PSAP: variants seen among roughly 807,000 people sequenced by gnomAD.
PSAP encodes the protein precursor of saposins.
PSAP carries 25 observed loss-of-function variants against 66.0 expected under a neutral mutation model. The ratio of observed to expected loss-of-function variants is 0.38; its 90% confidence interval spans 0.28 to 0.53. PSAP has a LOEUF of 0.53. Ranked by LOEUF, PSAP falls within the 20% of genes least tolerant of loss-of-function variation. The probability of loss-of-function intolerance (pLI) is 0.83; values close to 1 mark genes in which losing one functional copy is unlikely to be tolerated. For synonymous variants in PSAP, 273 were observed against 258.9 expected (o/e 1.05, Z -0.52); for missense variants, 649 against 668.8 (o/e 0.97, Z 0.33).
At chr10:71,822,355 G>A (rs1375668794) in intron 7 of PSAP, 28 of 411,416 alleles carry the variant, frequency 6.8e-5, no homozygotes, top group Non-Finnish European at 6.4e-5. Flanking sequence ...GGTCACTCTA[G>A]GTAGGAACTA....
Position 71,834,463 on chromosome 10 carries a change from C to A in PSAP, c.83G>T (p.Gly28Val), listed in dbSNP as rs185057837. 3 of 1,614,050 alleles carry A rather than the reference C, an allele frequency of 1.9e-6. No homozygotes were observed. Among genetic ancestry groups the A allele is most frequent in the African/African-American group, 2.7e-5 (2 of 75,042 alleles). The stretch of plus-strand genomic sequence containing the variant: ...CACATTCTGGCACCACACTGCCGAG[C>A]CCCTGGTGCATTCTTTCAGTCCAAG... Reference protein sequence around the residue: ...PVLGLKECTRGSAVWCQNVKT... With the variant: ...PVLGLKECTRVSAVWCQNVKT... The change falls in exon 2 of 14, where the codon GGC (glycine) becomes GTC (valine). Residue 28 changes from glycine to valine, a missense_variant. By Grantham distance (109) the Gly-to-Val change is moderately radical. Transcript: ENST00000394936.
At chr10:71,835,392 C>T (rs1027762554) in intron 1 of PSAP, among the ~76,000 whole-genome samples, 2 of 151,910 alleles carry the variant, frequency 1.3e-5, no homozygotes, top group Non-Finnish European at 2.9e-5. Flanking sequence ...CCAGCCTGGG[C>T]AACATGGCAA....
intron 9 of PSAP, 44 bp from the exon 10 acceptor site, chr10:71,819,944 C>A (rs1434332892): frequency 6.5e-7 from 1 of 1,544,756 alleles, no homozygotes; most frequent in Non-Finnish European, 8.9e-7. Flanking sequence ...GGAGGCCGGA[C>A]AAGGGTTGGG....
intron 2 of PSAP, among the ~76,000 whole-genome samples, chr10:71,833,721 C>G (rs540725568): frequency 6.6e-6 from 1 of 152,318 alleles, no homozygotes; most frequent in South Asian, 2.1e-4. Flanking sequence ...GGCTTGGGAC[C>G]GTGAGGAACA....
chr10:71,846,351 A>T (rs1196282222), intron 1 of PSAP, among the ~76,000 whole-genome samples: 1 of 152,086 alleles, frequency 6.6e-6, no homozygotes, highest in African/African-American at 2.4e-5. Context: ...TAAAAAATAA[A>T]GCAATTAGTA....
At chr10:71,822,581 A>T (rs1842326109) in intron 7 of PSAP, 2 of 472,196 alleles carry the variant, frequency 4.2e-6, no homozygotes, top group Non-Finnish European at 8.8e-6. Context: ...GAATCATTTT[A>T]AGCCACAAGG....
chr10:71,819,078 G>A lies in PSAP; in HGVS notation c.1384C>T (p.Leu462=). The A allele has an allele frequency of 1.2e-6, 2 of 1,614,154 alleles. No homozygotes were observed. Among genetic ancestry groups the A allele is most frequent in the Non-Finnish European group, 1.7e-6 (2 of 1,179,994 alleles). ...DQFVAEYEPV[L]IEILVEVMDP... ...ATCACCTCCACCAGGATCTCGATCAGCACGGGCTCGTACTCTGCCACAAAC... is the reference window on the plus strand; with the variant it reads ...ATCACCTCCACCAGGATCTCGATCAACACGGGCTCGTACTCTGCCACAAAC... Residue 462 remains leucine, a synonymous_variant, in exon 12 of 14, where the codon CTG becomes TTG. Transcript: ENST00000394936.
chr10:71,834,395 T>C lies in PSAP; in HGVS notation c.151A>G (p.Thr51Ala). The change falls in exon 2 of 14, where the codon ACC (threonine) becomes GCC (alanine). Residue 51 changes from threonine (T) to alanine (A), a missense_variant. Thr to Ala is a moderately conservative substitution (Grantham distance 58). Coordinates refer to ENST00000394936, the MANE Select transcript of PSAP (RefSeq NM_002778.4). The stretch of plus-strand genomic sequence containing the variant: ...ACCACTGTTGGCTTGTTCCAAACGG[T>C]CTGCAGGCAGTGCTTCACTGCCCCG... ...DCGAVKHCLQ[T>A]VWNKPTVKSL... 1 of 1,613,936 alleles carries C rather than the reference T, an allele frequency of 6.2e-7. No homozygotes were observed. Among genetic ancestry groups the C allele is most frequent in the South Asian group, 1.1e-5 (1 of 91,070 alleles).
chr10:71,831,163 T>C lies in PSAP; in HGVS notation c.338A>G (p.Tyr113Cys), dbSNP rs1315206409. 6.2e-7 allele frequency: 1 copy of C among 1,613,894 alleles called. No homozygotes were observed. The highest frequency in any genetic ancestry group is 1.1e-5 in the South Asian group (1 of 91,068). Reference sequence around the variant, plus strand: ...AATGATGTCCAGGATGACAGGGAGGTAGGAGTCCACTATCTCCTTGCATGA... The same window carrying C: ...AATGATGTCCAGGATGACAGGGAGGCAGGAGTCCACTATCTCCTTGCATGA... ...SASCKEIVDS[Y>C]LPVILDIIKG... The change falls in exon 4 of 14, where the codon TAC becomes TGC. Residue 113 changes from tyrosine (Y) to cysteine (C), a missense_variant. By Grantham distance (194) the Tyr-to-Cys change is radical. Transcript: ENST00000394936.
In PSAP at chr10:71,828,148, C is replaced by T. The variant is rs374083914; in HGVS notation, c.586G>A (p.Asp196Asn). Residue 196 changes from aspartate to asparagine, a missense_variant, in exon 6 of 14, where the codon GAC becomes AAC. Coordinates refer to ENST00000394936, the MANE Select transcript of PSAP (RefSeq NM_002778.4). ...RSKPQPKDNG[D>N]VCQDCIQMVT... ...ATCTGAATGCAGTCCTGGCAAACGT[C>T]CCCATTATCCTACAGAAGAGGCAGT... is the stretch of plus-strand genomic sequence containing the variant. 8 of 1,614,162 alleles carry T rather than the reference C, an allele frequency of 5.0e-6. No individual in the cohort carries two copies.
At position 71,831,901 on chromosome 10, in the gene PSAP, A is replaced by C. The variant is rs372262659; in HGVS notation, c.194T>G (p.Ile65Arg). Residue 65 changes from isoleucine to arginine, a missense_variant, in exon 3 of 14, where the codon ATA becomes AGA. By Grantham distance (97) the Ile-to-Arg change is moderately conservative. Coordinates refer to ENST00000394936, the MANE Select transcript of PSAP (RefSeq NM_002778.4). ...KPTVKSLPCD[I>R]CKDVVTAAGD... is the part of the protein sequence containing the mutation. The stretch of plus-strand genomic sequence containing the variant: ...AGCTGCGGTGACAACGTCTTTGCAT[A>C]TGTCGCAGGGAAGGGATTTCTAAGA... 1.4e-5 allele frequency: 22 copies of C among 1,613,934 alleles called. No individual in the cohort carries two copies. Among genetic ancestry groups the C allele is most frequent in the Non-Finnish European group, 1.9e-5 (22 of 1,180,010 alleles).
intron 1 of PSAP, among the ~76,000 whole-genome samples, chr10:71,839,740 G>A (rs1050645912): frequency 6.6e-6 from 1 of 152,092 alleles, no homozygotes. Flanking sequence ...TGTAATCCCA[G>A]CTACTCAGGA....
At chr10:71,829,764 C>T (rs1410502026) in intron 4 of PSAP, among the ~76,000 whole-genome samples, 5 of 151,968 alleles carry the variant, frequency 3.3e-5, no homozygotes, top group Non-Finnish European at 2.9e-5. Context: ...TTTGTGAGGC[C>T]GAGGCGGGCG....
intron 2 of PSAP, among the ~76,000 whole-genome samples, chr10:71,832,643 C>T (rs1842542651): frequency 6.6e-6 from 1 of 152,036 alleles, no homozygotes; most frequent in Non-Finnish European, 1.5e-5. Context: ...ATTCCAGGAC[C>T]CCCATGGACA....
At chr10:71,829,133 C>G in intron 4 of PSAP, 56 bp from the exon 5 acceptor site, 1 of 1,521,298 alleles carries the variant, frequency 6.6e-7, no homozygotes, top group Non-Finnish European at 9.1e-7. Flanking sequence ...GAAAATAAGA[C>G]AGGCCATCTA....
chr10:71,820,374 G>A, intron 8 of PSAP, 39 bp from the exon 9 acceptor site: 1 of 1,549,088 alleles, frequency 6.5e-7, no homozygotes, highest in Non-Finnish European at 8.9e-7. Context: ...TCAATGCTGG[G>A]ACTCACAGCC....
At chr10:71,835,207 A>T (rs540701738) in intron 1 of PSAP, among the ~76,000 whole-genome samples, 45 of 148,570 alleles carry the variant, frequency 3.0e-4, no homozygotes, top group Non-Finnish European at 5.8e-4. Flanking sequence ...ACAGAGCGAG[A>T]CTCCGTTTCA....
In PSAP at chr10:71,819,450, C is replaced by T. The variant is rs574811418; in HGVS notation, c.1350+15G>A. 25 of 1,613,898 alleles carry T rather than the reference C, an allele frequency of 1.5e-5. 1 individual carries two copies. In the South Asian group the frequency reaches 2.7e-4, roughly 18 times the overall value. On this transcript the variant is annotated intron_variant, in intron 11 of 13. Transcript: ENST00000394936. ...TCTGCCATGCTGGCCTACCGCAGCC[C>T]AGCCCGGGGCGTACCTGCTTCTGGT... is the stretch of plus-strand genomic sequence containing the variant.
Position 71,817,097 on chromosome 10 carries a change from C to T in PSAP, c.*344G>A. ...GCACATGTCAGGGCTCAGAACAAGG[C>T]CTCAACCAAGAGGGTTGATGGCCTC... On this transcript the variant is annotated 3_prime_UTR_variant, in exon 14 of 14. Coordinates refer to ENST00000394936, the MANE Select transcript of PSAP (RefSeq NM_002778.4). 1 of 433,882 alleles carries T rather than the reference C, an allele frequency of 2.3e-6. No homozygotes were observed. Among genetic ancestry groups the T allele is most frequent in the Non-Finnish European group, 4.3e-6 (1 of 233,410 alleles). The allele number at this position is 433,882 out of a possible 1,614,324, so 26.9% of individuals were successfully genotyped here.
Sources: allele counts gnomAD v4.1 joint callset (sites outside exome capture counted in the v4.1 genomes callset), GRCh38; gene constraint gnomAD v4.1.1; transcripts MANE v1.5; gene names NCBI Gene and HGNC (gene_info 2026-07-23, HGNC 2026-07-21).